Variants in REELD1 observed in about 807,000 individuals in gnomAD.
The protein encoded by REELD1 is reeler domain containing 1.
A neutral mutation model predicts 6.3 loss-of-function variants in REELD1; 12 were observed. The observed-to-expected ratio is 1.89, with a 90% CI of 1.21 to 3.07. The LOEUF is 3.07. REELD1 is among the 30% of genes most tolerant of loss of function. The pLI is 0.00. For synonymous variants in REELD1, 57 were observed against 33.6 expected (o/e 1.70, Z -2.42); for missense variants, 163 against 86.8 (o/e 1.88, Z -3.49).
intron 5 of REELD1, among the ~76,000 whole-genome samples, chr4:146,227,594 G>A (rs1021853425): frequency 6.6e-6 from 1 of 152,210 alleles, no homozygotes; most frequent in Non-Finnish European, 1.5e-5. Context: ...CCCAAAGCCA[G>A]AAATTAGTGG....
In REELD1 at chr4:146,228,505, C is replaced by G. The variant is rs543636033; in HGVS notation, c.891C>G (p.Ser297Arg). 1 of 701,992 alleles carries G rather than the reference C, an allele frequency of 1.4e-6. No homozygotes were observed. The highest frequency in any genetic ancestry group is 2.6e-6 in the Non-Finnish European group (1 of 384,802). The allele number at this position is 701,992 out of a possible 1,614,324, so 43.5% of individuals were successfully genotyped here. The change falls in exon 6 of 8, where the codon AGC becomes AGG. Residue 297 changes from serine (S) to arginine (R), a missense_variant. Ser to Arg is a moderately radical substitution (Grantham distance 110). Transcript: ENST00000623665. ...TCTCCTCAGAGAGCTTTGCTTCCAG[C>G]CTTAGCACCCATCACAGGTAAGGGT... ...KRVSSESFAS[S>R]LSTHHRTQDD... is the part of the protein sequence containing the mutation.
intron 3 of REELD1, among the ~76,000 whole-genome samples, chr4:146,220,219 G>A (rs10014590): frequency 0.35 from 53,054 of 152,090 alleles, 9,867 homozygotes; most frequent in Middle Eastern, 0.47. Flanking sequence ...AAGTGCTGGG[G>A]TTACAGGCGT....
In REELD1 at chr4:146,230,447, T is replaced by C; in HGVS notation, c.1515T>C (p.Phe505=). The change falls in exon 8 of 8, where the codon TTT becomes TTC. Residue 505 remains phenylalanine, a synonymous_variant. Transcript: ENST00000623665. The stretch of plus-strand genomic sequence containing the variant: ...TCAGGAAGATTGGGGAGAACAGTTT[T>C]GTTTTGGTTCAAGCAGAGTACAACT... ...VHVRKIGENS[F]VLVQAEYNWI... 2 of 398,710 alleles carry C rather than the reference T, an allele frequency of 5.0e-6. No homozygotes were observed. Among genetic ancestry groups the C allele is most frequent in the Non-Finnish European group, 8.8e-6 (2 of 226,106 alleles). 24.7% of individuals were successfully genotyped at this position (398,710 alleles called of 1,614,324 possible).
intron 2 of REELD1, among the ~76,000 whole-genome samples, chr4:146,216,386 G>A (rs77474778): frequency 6.6e-6 from 1 of 152,190 alleles, no homozygotes; most frequent in Non-Finnish European, 1.5e-5. Context: ...AAAGGGCAAA[G>A]AGATATCAAA....
chr4:146,220,631 A>G (rs1730907939), intron 3 of REELD1, among the ~76,000 whole-genome samples: 1 of 152,228 alleles, frequency 6.6e-6, no homozygotes, highest in Non-Finnish European at 1.5e-5. Context: ...GATGAGTGCC[A>G]TGGTTTTAGG....
At chr4:146,228,805 G>T (rs1731074437) in intron 6 of REELD1, among the ~76,000 whole-genome samples, 1 of 151,698 alleles carries the variant, frequency 6.6e-6, no homozygotes, top group African/African-American at 2.4e-5. Context: ...ACATAGAAAT[G>T]TATATTTTAT....
At chr4:146,220,441 G>A (rs1312931537) in intron 3 of REELD1, among the ~76,000 whole-genome samples, 1 of 152,066 alleles carries the variant, frequency 6.6e-6, no homozygotes, top group African/African-American at 2.4e-5. Context: ...CAGAAAAACT[G>A]ATTAACAGAA....
chr4:146,228,151 C>A, intron 5 of REELD1, 59 bp from the exon 6 acceptor site: 4 of 662,962 alleles, frequency 6.0e-6, no homozygotes, highest in Admixed American at 2.1e-5. Context: ...CTGTTTGTAA[C>A]AATCGATGCG....
rs1731139378 is a variant in REELD1 at position 146,231,961 on chromosome 4, G to A, written c.*1448G>A. The stretch of plus-strand genomic sequence containing the variant: ...GTAATTTGTGCATTCACAAATGAAA[G>A]TGTTCTAGGAATACTGTGGAAAGAA... On this transcript the variant is annotated 3_prime_UTR_variant, in exon 8 of 8. Transcript: ENST00000623665. 1 of 152,176 alleles carries A rather than the reference G, an allele frequency of 6.6e-6. No individual in the cohort carries two copies. The highest frequency in any genetic ancestry group is 6.5e-5 in the Admixed American group (1 of 15,280). The allele number at this position is 152,176 out of a possible 1,614,324, so 9.4% of individuals were successfully genotyped here. A position where few individuals can be genotyped will look rare whatever the true frequency, so the allele number is the denominator to read the frequency against.
intron 4 of REELD1, among the ~76,000 whole-genome samples, chr4:146,223,407 G>A (rs1367293198): frequency 6.6e-6 from 1 of 152,176 alleles, no homozygotes; most frequent in Non-Finnish European, 1.5e-5. Context: ...AGCAAGAAGG[G>A]AAACACGTGC....
chr4:146,222,692 TA>T (rs946568635), intron 4 of REELD1, 113 bp downstream of exon 4: 4 of 396,048 alleles, frequency 1.0e-5, no homozygotes, highest in African/African-American at 8.2e-5. Flanking sequence ...GTGGCCACCT[TA>T]TAGCAAGGAC....
At chr4:146,227,203 G>T (rs148195641) in intron 5 of REELD1, among the ~76,000 whole-genome samples, 26 of 152,312 alleles carry the variant, frequency 1.7e-4, no homozygotes, top group African/African-American at 6.0e-4. Context: ...GGGTCTGCAG[G>T]AAATATCCAA....
rs567835921 is a variant in REELD1, at chr4:146,229,023, A to G, written c.909-2A>G. The G allele has an allele frequency of 8.8e-5, 62 of 702,438 alleles. No homozygotes were observed. The African/African-American group carries it at 9.9e-4, about 11-fold the overall frequency. The allele number at this position is 702,438 out of a possible 1,614,324, so 43.5% of individuals were successfully genotyped here. ...TTTCAGCCCTTCCATTCTTCCCTTTAGAACTCAGGATGATCCCAGCTTTGA... is the reference window on the plus strand; with the variant it reads ...TTTCAGCCCTTCCATTCTTCCCTTTGGAACTCAGGATGATCCCAGCTTTGA... On this transcript the variant is annotated splice_acceptor_variant, in intron 6 of 7. Transcript: ENST00000623665. LOFTEE classifies it high-confidence loss of function.
intron 5 of REELD1, 141 bp downstream of exon 5, chr4:146,224,749 T>G (rs1730990592): frequency 3.2e-6 from 2 of 621,424 alleles, no homozygotes; most frequent in Non-Finnish European, 5.8e-6. Context: ...ACTGCAGCAG[T>G]TCTTGGGGAT....
intron 2 of REELD1, among the ~76,000 whole-genome samples, chr4:146,216,189 T>C (rs1016018097): frequency 1.3e-5 from 2 of 152,232 alleles, no homozygotes; most frequent in Admixed American, 1.3e-4. Flanking sequence ...TTCCTCTTGA[T>C]GGGAATTAGA....
At position 146,230,719 on chromosome 4, in the gene REELD1, G is replaced by T; in HGVS notation, c.*206G>T. The T allele has an allele frequency of 2.6e-6, 1 of 378,068 alleles. No homozygotes were observed. The highest frequency in any genetic ancestry group is 1.5e-4 in the South Asian group (1 of 6,826). 23.4% of individuals were successfully genotyped at this position (378,068 alleles called of 1,614,324 possible). A position where few individuals can be genotyped will look rare whatever the true frequency, so the allele number is the denominator to read the frequency against. ...CTTTGTTGTCTTAACATCTGTAATT[G>T]GGCTTCCTTCTTTCTTTTTGCAATT... On this transcript the variant is annotated 3_prime_UTR_variant, in exon 8 of 8. Transcript: ENST00000623665.
intron 6 of REELD1, 70 bp downstream of exon 6, chr4:146,228,592 G>C (rs960687561): frequency 3.2e-6 from 2 of 619,638 alleles, no homozygotes; most frequent in African/African-American, 3.7e-5. Flanking sequence ...GCATCATGTG[G>C]AGTCTGACAA....
At chr4:146,221,384 T>A (rs958761864) in intron 3 of REELD1, among the ~76,000 whole-genome samples, 1 of 152,218 alleles carries the variant, frequency 6.6e-6, no homozygotes, top group African/African-American at 2.4e-5. Context: ...GTAACTGCAT[T>A]TTAAATGTGG....
chr4:146,215,651 A>ATTT (rs3029290), intron 2 of REELD1, among the ~76,000 whole-genome samples: 16,692 of 86,444 alleles, frequency 0.19, 1,782 homozygotes, highest in Non-Finnish European at 0.25. Context: ...AGGGGAGGGC[A>ATTT]TTTTTTTTTT....
Sources: gnomAD v4.1 joint callset for allele counts (sites outside exome capture counted in the v4.1 genomes callset) on GRCh38, gnomAD v4.1.1 for gene constraint, MANE v1.5 for transcripts, NCBI Gene and HGNC (gene_info 2026-07-23, HGNC 2026-07-21) for gene names.